Variants in PTPRN2 observed in about 807,000 individuals in gnomAD.
The protein encoded by PTPRN2 is protein tyrosine phosphatase receptor type N2.
PTPRN2 carries 74 observed loss-of-function variants against 118.8 expected under a neutral mutation model. The ratio of observed to expected loss-of-function variants is 0.62; its 90% CI spans 0.52 to 0.76. The LOEUF (loss-of-function observed/expected upper bound fraction) is 0.76. Among genes scored for constraint, PTPRN2 ranks in the 30% least tolerant of loss-of-function variants. The pLI, the probability that PTPRN2 is intolerant of heterozygous loss-of-function variation, is 0.00. For synonymous variants in PTPRN2, 641 were observed against 608.0 expected, an observed-to-expected ratio of 1.05 and a Z score of -0.80; for missense variants, 1,481 against 1,394.4, an observed-to-expected ratio of 1.06 and a Z score of -0.99.
intron 12 of PTPRN2, among the ~76,000 whole-genome samples, chr7:157,776,852 C>T (rs866300447): frequency 0.011 from 88 of 8,112 alleles, no homozygotes; most frequent in Non-Finnish European, 0.015. Context: ...CCTCCCTCTC[C>T]TCCTCCTCCC....
In PTPRN2 at chr7:157,682,882, A is replaced by T; in HGVS notation, c.1844T>A (p.Phe615Tyr). 1.2e-6 allele frequency: 2 copies of T among 1,614,086 alleles called. No homozygotes were observed. Among genetic ancestry groups the T allele is most frequent in the Non-Finnish European group, 8.5e-7 (1 of 1,180,010 alleles). Residue 615 changes from phenylalanine to tyrosine, a missense_variant, in exon 13 of 23, where the codon TTC becomes TAC. This residue lies in a region of PTPRN2 where 1,115 missense variants were observed against 994.2 expected (regional missense o/e 1.12). Coordinates refer to ENST00000389418, the MANE Select transcript of PTPRN2 (RefSeq NM_002847.5). ...PQAEQEDSTK[F>Y]IALTLVSLAC... ...GAGGGAGACCAGGGTGAGCGCGATG[A>T]ACTTGGTGGAGTCTTCTTGCTCCGC...
chr7:158,319,685 TCTCTCACACA>T (rs1802745688), intron 2 of PTPRN2, among the ~76,000 whole-genome samples: 2 of 3,000 alleles, frequency 6.7e-4, no homozygotes, highest in African/African-American at 4.5e-3. Context: ...ACACACAGCC[TCTCTCACACA>T]GCCTCCCTCA....
rs1800766550 is a variant in PTPRN2, at chr7:157,587,902, G to T, written c.2496+7336C>A. ...CCATGCCTGGGTTCCCAAGGTGGCTGTCCCCGTGCCTGGGCTCCCGCGGTG... is the reference window on the plus strand; with the variant it reads ...CCATGCCTGGGTTCCCAAGGTGGCTTTCCCCGTGCCTGGGCTCCCGCGGTG... On this transcript the variant is annotated intron_variant, in intron 17 of 22. Transcript: ENST00000389418. This position sits in a 1 kb window ranked among gnomAD's most constrained non-coding sequence, Gnocchi z 5.3. 6.6e-6 allele frequency among the ~76,000 whole-genome samples: 1 copy of T among 150,532 alleles called. No individual in the cohort carries two copies. The highest frequency in any genetic ancestry group is 6.6e-5 in the Admixed American group (1 of 15,156).
chr7:158,087,663 ATGAAGGAGGGAGT>A (rs1813553260), intron 10 of PTPRN2, among the ~76,000 whole-genome samples: 2 of 146,090 alleles, frequency 1.4e-5, no homozygotes, highest in African/African-American at 2.8e-5. Flanking sequence ...TCCTCCCCTG[ATGAAGGAGGGAGT>A]CTTCACACAA....
chr7:157,984,624 A>G (rs968297917), intron 11 of PTPRN2, among the ~76,000 whole-genome samples: 3 of 152,076 alleles, frequency 2.0e-5, no homozygotes, highest in African/African-American at 7.2e-5. Context: ...CGCGCCCTCC[A>G]TGAAGCTGAC....
At chr7:158,446,450 C>A (rs1817730927) in intron 2 of PTPRN2, among the ~76,000 whole-genome samples, 1 of 151,944 alleles carries the variant, frequency 6.6e-6, no homozygotes, top group Non-Finnish European at 1.5e-5. Flanking sequence ...CCACAGCTGC[C>A]CCCGGCAGGC....
intron 12 of PTPRN2, chr7:157,862,781 G>C (rs1022523940): frequency 2.0e-5 from 3 of 151,982 alleles, no homozygotes; most frequent in African/African-American, 7.3e-5. Context: ...CACAGACCCA[G>C]CTCCGGGAAG....
At chr7:157,989,119 G>A (rs946580881) in intron 11 of PTPRN2, among the ~76,000 whole-genome samples, 5 of 152,202 alleles carry the variant, frequency 3.3e-5, no homozygotes, top group Non-Finnish European at 5.9e-5. Context: ...AGGCTGAGTC[G>A]AAAGACCGTG....
intron 2 of PTPRN2, among the ~76,000 whole-genome samples, chr7:158,343,462 G>C (rs1807224696): frequency 6.6e-6 from 1 of 152,214 alleles, no homozygotes; most frequent in South Asian, 2.1e-4. Flanking sequence ...TCCGCGGGCA[G>C]GAACGTAACC....
intron 22 of PTPRN2, 36 bp from the exon 23 acceptor site, chr7:157,540,821 G>GCGGCGTCCCCCCGACTCCTGCCA: frequency 6.6e-7 from 1 of 1,510,882 alleles, no homozygotes; most frequent in South Asian, 1.2e-5. Context: ...GCCAATGAGA[G>GCGGCGTCCCCCCGACTCCTGCCA]CGGCGTCCCC....
intron 15 of PTPRN2, among the ~76,000 whole-genome samples, chr7:157,606,958 T>C (rs1467998597): frequency 6.6e-6 from 1 of 152,074 alleles, no homozygotes; most frequent in Non-Finnish European, 1.5e-5. Context: ...TGGGATAAGA[T>C]AAAACATCTA....
At chr7:157,855,424 G>A (rs369806911) in intron 12 of PTPRN2, among the ~76,000 whole-genome samples, 16 of 152,216 alleles carry the variant, frequency 1.1e-4, no homozygotes, top group Admixed American at 9.2e-4. Context: ...CATGGAGCAC[G>A]AAACCTCTGG....
chr7:157,655,727 C>T (rs2150737171), intron 14 of PTPRN2, among the ~76,000 whole-genome samples: 1 of 152,312 alleles, frequency 6.6e-6, no homozygotes, highest in Non-Finnish European at 1.5e-5. Context: ...GCCAGCAGGA[C>T]GTGCTGCGCT....
chr7:157,972,477 C>T (rs1367902744), intron 11 of PTPRN2, among the ~76,000 whole-genome samples: 1 of 152,066 alleles, frequency 6.6e-6, no homozygotes, highest in Non-Finnish European at 1.5e-5. Context: ...AGGAACTCCA[C>T]ACCACGAGAG....
intron 11 of PTPRN2, chr7:158,027,870 G>A (rs1207317184): frequency 6.6e-6 from 1 of 152,194 alleles, no homozygotes; most frequent in African/African-American, 2.4e-5. Flanking sequence ...AGAATCGCAG[G>A]AGGCAGCTCC....
At position 157,657,964 on chromosome 7, in the gene PTPRN2, GACACAC is replaced by G. The variant is rs72035599; in HGVS notation, c.2002-1419_2002-1414del. Among the ~76,000 whole-genome samples, 22 of 137,164 alleles carry G rather than the reference GACACAC, an allele frequency of 1.6e-4. No individual in the cohort carries two copies. In the East Asian group the frequency reaches 3.4e-3, roughly 21 times the overall value. 90.0% of individuals were successfully genotyped at this position (137,164 alleles called of 152,430 possible). On this transcript the variant is annotated intron_variant, in intron 13 of 22. Coordinates refer to ENST00000389418, the MANE Select transcript of PTPRN2 (RefSeq NM_002847.5). ...ACACACACCACACACATATGTAACA[GACACAC>G]ACACACCACACACACGTCACAGACA...
intron 9 of PTPRN2, among the ~76,000 whole-genome samples, chr7:158,112,635 C>T (rs987322621): frequency 2.0e-5 from 3 of 152,224 alleles, no homozygotes; most frequent in African/African-American, 7.2e-5. Context: ...CAGGAGTTTA[C>T]ATCCTGCACA....
chr7:158,430,932 AAC>A (rs1816124870), intron 2 of PTPRN2, among the ~76,000 whole-genome samples: 1 of 152,228 alleles, frequency 6.6e-6, no homozygotes, highest in African/African-American at 2.4e-5. Context: ...CTGACCGTGG[AAC>A]CAAAGCAGAC....
chr7:157,861,341 G>T lies in PTPRN2; in HGVS notation c.1788+37332C>A, dbSNP rs1810224257. On this transcript the variant is annotated intron_variant, in intron 12 of 22. Transcript: ENST00000389418. This position sits in a 1 kb window ranked among gnomAD's most constrained non-coding sequence, Gnocchi z 5.8. ...TGCACCGGAAGCACCTCCGGCTGGA[G>T]CTCGGCCAAGGAGCCCGGGTCCCTT... is the stretch of plus-strand genomic sequence containing the variant. 6.6e-6 allele frequency among the ~76,000 whole-genome samples: 1 copy of T among 152,268 alleles called. No individual in the cohort carries two copies. The highest frequency in any genetic ancestry group is 2.4e-5 in the African/African-American group (1 of 41,476).
Sources: gnomAD v4.1 joint callset for allele counts (sites outside exome capture counted in the v4.1 genomes callset) on GRCh38, gnomAD v4.1.1 for gene constraint, gnomAD v4.1.1 regional missense constraint, Gnocchi (gnomAD v3.1) non-coding constraint, MANE v1.5 for transcripts, NCBI Gene and HGNC (gene_info 2026-07-23, HGNC 2026-07-21) for gene names.